Variants in THSD7B observed in about 807,000 individuals in gnomAD.
THSD7B encodes the protein thrombospondin type 1 domain containing 7B.
THSD7B carries 138 observed loss-of-function variants against 213.6 expected under a neutral mutation model. The observed-to-expected ratio is 0.65, with a 90% CI of 0.56 to 0.74. The LOEUF is 0.74. THSD7B is among the 30% of genes least tolerant of loss of function. THSD7B has a pLI of 0.00. For synonymous variants in THSD7B, 742 were observed against 687.0 expected, an observed-to-expected ratio of 1.08 and a Z score of -1.25; for missense variants, 1,931 against 1,991.5, an observed-to-expected ratio of 0.97 and a Z score of 0.58.
intron 3 of THSD7B, among the ~76,000 whole-genome samples, chr2:137,073,692 G>T (rs557187505): frequency 6.6e-6 from 1 of 152,220 alleles, no homozygotes; most frequent in Admixed American, 6.5e-5. Flanking sequence ...GTCAATTTTA[G>T]ATCTTTCCTG....
intron 2 of THSD7B, among the ~76,000 whole-genome samples, chr2:137,023,158 A>T (rs1266364948): frequency 6.6e-6 from 1 of 152,214 alleles, no homozygotes; most frequent in African/African-American, 2.4e-5. Flanking sequence ...AGCTGGGCAG[A>T]GGGTGGTAAA....
At chr2:137,324,184 A>G (rs929358219) in intron 12 of THSD7B, among the ~76,000 whole-genome samples, 4 of 152,104 alleles carry the variant, frequency 2.6e-5, no homozygotes, top group African/African-American at 7.2e-5. Flanking sequence ...TCAATTTTTG[A>G]TTACTTCTCT....
At chr2:137,206,176 T>C (rs180999856) in intron 7 of THSD7B, among the ~76,000 whole-genome samples, 218 of 152,148 alleles carry the variant, frequency 1.4e-3, no homozygotes, top group Admixed American at 3.3e-3. Context: ...CTGCTGCATG[T>C]AGTCATCTTA....
At chr2:137,072,774 C>T (rs1282632439) in intron 3 of THSD7B, among the ~76,000 whole-genome samples, 4 of 151,954 alleles carry the variant, frequency 2.6e-5, no homozygotes, top group Non-Finnish European at 4.4e-5. Flanking sequence ...TTGAGATATG[C>T]CCCATCAATA....
At position 137,487,396 on chromosome 2, in the gene THSD7B, A is replaced by AAAC. The variant is rs1688482732; in HGVS notation, c.3138+36375_3138+36376insCAA. Among the ~76,000 whole-genome samples the AAAC allele has an allele frequency of 2.1e-4, 25 of 120,980 alleles. 2 individuals are homozygous for AAAC. Among genetic ancestry groups the AAAC allele is most frequent in the Non-Finnish European group, 2.7e-4 (16 of 58,760 alleles). 79.4% of individuals were successfully genotyped at this position (120,980 alleles called of 152,430 possible). On this transcript the variant is annotated intron_variant, in intron 15 of 27. Transcript: ENST00000409968. Reference sequence around the variant, plus strand: ...TCTCAAAAAAAAAAAAAAAAAAAAAAAAAGAACTAGAAAAGCAAGAGCAAA... The same window carrying AAAC: ...TCTCAAAAAAAAAAAAAAAAAAAAAAAACAAAGAACTAGAAAAGCAAGAGCAAA...
At chr2:136,998,221 C>G (rs1394184262) in intron 2 of THSD7B, among the ~76,000 whole-genome samples, 1 of 142,470 alleles carries the variant, frequency 7.0e-6, no homozygotes, top group East Asian at 2.0e-4. Flanking sequence ...CAGAGATTAC[C>G]TCCTAAAATA....
intron 12 of THSD7B, among the ~76,000 whole-genome samples, chr2:137,351,339 AT>A (rs1215774774): frequency 6.6e-6 from 1 of 152,104 alleles, no homozygotes; most frequent in East Asian, 1.9e-4. Context: ...TATTTTTGTC[AT>A]CACCGAGGAT....
intron 12 of THSD7B, among the ~76,000 whole-genome samples, chr2:137,294,830 G>A (rs1683420853): frequency 6.6e-6 from 1 of 152,036 alleles, no homozygotes; most frequent in Non-Finnish European, 1.5e-5. Context: ...GGTAAGAGGA[G>A]ACTGGTATGC....
chr2:137,217,448 T>C (rs1681274376), intron 7 of THSD7B, among the ~76,000 whole-genome samples: 1 of 152,168 alleles, frequency 6.6e-6, no homozygotes, highest in Non-Finnish European at 1.5e-5. Flanking sequence ...CTGTGATGTA[T>C]TGACAGGAAT....
intron 15 of THSD7B, among the ~76,000 whole-genome samples, chr2:137,482,847 G>T (rs1688338443): frequency 6.6e-6 from 1 of 152,196 alleles, no homozygotes; most frequent in African/African-American, 2.4e-5. Context: ...TGAGAGGAAA[G>T]GCAGGAAGTG....
chr2:137,055,794 C>T (rs914837111), intron 2 of THSD7B, among the ~76,000 whole-genome samples: 52 of 152,292 alleles, frequency 3.4e-4, no homozygotes, highest in African/African-American at 1.3e-3. Flanking sequence ...TTCCCCTGCA[C>T]CCCATTGTTA....
At chr2:137,179,677 T>G (rs13020502) in intron 7 of THSD7B, among the ~76,000 whole-genome samples, 7,019 of 152,250 alleles carry the variant, frequency 0.046, 201 homozygotes, top group Admixed American at 0.069. Context: ...TAAATTAATG[T>G]ATACATATAC....
chr2:136,986,309 T>A (rs1202370932), intron 2 of THSD7B, among the ~76,000 whole-genome samples: 1 of 152,210 alleles, frequency 6.6e-6, no homozygotes, highest in Non-Finnish European at 1.5e-5. Context: ...AATCTCATGT[T>A]GAAATTCCCT....
Position 137,626,380 on chromosome 2 carries a change from C to T in THSD7B, c.3799+5654C>T, listed in dbSNP as rs529326301. Reference sequence around the variant, plus strand: ...TCAGGAGGCTGAGGCAGGAGAATGGCGTGAACCCCGGAGGCGGAGCTTGCA... The same window carrying T: ...TCAGGAGGCTGAGGCAGGAGAATGGTGTGAACCCCGGAGGCGGAGCTTGCA... On this transcript the variant is annotated intron_variant, in intron 20 of 27. Transcript: ENST00000409968. Among the ~76,000 whole-genome samples, 5 of 149,612 alleles carry T rather than the reference C, an allele frequency of 3.3e-5. No individual in the cohort carries two copies. The South Asian group carries it at 8.5e-4, about 25-fold the overall frequency.
chr2:137,436,249 T>G (rs1687287875), intron 14 of THSD7B, among the ~76,000 whole-genome samples: 1 of 152,204 alleles, frequency 6.6e-6, no homozygotes, highest in Non-Finnish European at 1.5e-5. Context: ...TGACATTTAT[T>G]GAGCACTTAA....
chr2:137,348,650 G>C (rs1473930176), intron 12 of THSD7B, among the ~76,000 whole-genome samples: 1 of 147,112 alleles, frequency 6.8e-6, no homozygotes, highest in Non-Finnish European at 1.5e-5. Flanking sequence ...TGAAACAGTA[G>C]TAGTATTTCA....
intron 7 of THSD7B, among the ~76,000 whole-genome samples, chr2:137,206,058 T>C (rs1266801459): frequency 6.8e-6 from 1 of 146,496 alleles, no homozygotes; most frequent in Non-Finnish European, 1.5e-5. Context: ...TTTTTTTTTT[T>C]ATCTAAATGT....
intron 7 of THSD7B, among the ~76,000 whole-genome samples, chr2:137,181,015 G>A (rs961073993): frequency 3.9e-5 from 6 of 152,102 alleles, no homozygotes; most frequent in East Asian, 1.9e-4. Flanking sequence ...CCTGTACAAC[G>A]AAAACATAAA....
At chr2:136,833,385 A>AAAAGAG (rs1383636225) in intron 1 of THSD7B, among the ~76,000 whole-genome samples, 1 of 136,362 alleles carries the variant, frequency 7.3e-6, no homozygotes, top group African/African-American at 3.0e-5. Flanking sequence ...AAAAAAAAAA[A>AAAAGAG]AGAGAGAGAG....
Sources: gnomAD v4.1 joint callset for allele counts (sites outside exome capture counted in the v4.1 genomes callset) on GRCh38, gnomAD v4.1.1 for gene constraint, MANE v1.5 for transcripts, NCBI Gene and HGNC (gene_info 2026-07-23, HGNC 2026-07-21) for gene names.